WDR48: variants seen among roughly 807,000 people sequenced by gnomAD.
WDR48 encodes WD repeat domain 48.
In WDR48, 22 loss-of-function variants were observed where a neutral mutation model predicts 94.0. The ratio of observed to expected loss-of-function variants is 0.23; its 90% CI spans 0.17 to 0.33. WDR48 has a LOEUF of 0.33. WDR48 is among the 10% of genes least tolerant of loss of function. The pLI is 1.00. For synonymous variants in WDR48, 278 were observed against 280.5 expected (o/e 0.99, Z 0.09); for missense variants, 541 against 813.8 (o/e 0.66, Z 4.08).
At position 39,089,249 on chromosome 3, in the gene WDR48, C is replaced by G. The variant is rs977751105; in HGVS notation, c.1599C>G (p.Ser533=). 1 of 1,613,038 alleles carries G rather than the reference C, an allele frequency of 6.2e-7. No homozygotes were observed. The highest frequency in any genetic ancestry group is 1.3e-5 in the African/African-American group (1 of 74,992). The change falls in exon 16 of 19, where the codon TCC becomes TCG. Residue 533 remains serine, a synonymous_variant. Coordinates refer to ENST00000302313, the MANE Select transcript of WDR48 (RefSeq NM_020839.4). ...TGTTTAGGCTGCTCTGCCGAGATTC[C>G]GGGGGTGAGACTGAGTCTATGCTTC... The part of the protein sequence containing the change: ...RTLFRLLCRD[S]GGETESMLLN...
chr3:39,067,191 C>A (rs1421426890), intron 5 of WDR48, among the ~76,000 whole-genome samples: 1 of 152,222 alleles, frequency 6.6e-6, no homozygotes, highest in Non-Finnish European at 1.5e-5. Context: ...TCTCCCACAG[C>A]ATTCCCTGGT....
At chr3:39,065,697 G>A in intron 2 of WDR48, 114 bp from the exon 3 acceptor site, 2 of 649,892 alleles carry the variant, frequency 3.1e-6, no homozygotes, top group Non-Finnish European at 4.9e-6. Context: ...TCAGGTGTTA[G>A]TTTTAATGCC....
At chr3:39,066,930 G>A in intron 5 of WDR48, 55 bp downstream of exon 5, 1 of 1,579,580 alleles carries the variant, frequency 6.3e-7, no homozygotes, top group South Asian at 1.2e-5. Context: ...CATAAATAAA[G>A]AATGGTTTAT....
intron 5 of WDR48, among the ~76,000 whole-genome samples, chr3:39,068,056 C>G: frequency 6.6e-6 from 1 of 151,468 alleles, no homozygotes; most frequent in East Asian, 1.9e-4. Context: ...TCTGCTACAT[C>G]TTGCTTAGAG....
At chr3:39,055,902 A>G (rs1197653577) in intron 1 of WDR48, among the ~76,000 whole-genome samples, 5 of 152,214 alleles carry the variant, frequency 3.3e-5, no homozygotes, top group African/African-American at 1.2e-4. Context: ...TCCCCAGCTA[A>G]ATGCCAAGAG....
chr3:39,053,911 A>G (rs979265668), intron 1 of WDR48, among the ~76,000 whole-genome samples: 1 of 152,230 alleles, frequency 6.6e-6, no homozygotes, highest in African/African-American at 2.4e-5. Context: ...AAAGTACAAA[A>G]TTAGAGTTTG....
At position 39,065,898 on chromosome 3, in the gene WDR48, T is replaced by G; in HGVS notation, c.268+9T>G. The G allele has an allele frequency of 1.9e-6, 3 of 1,567,414 alleles. No homozygotes were observed. The highest frequency in any genetic ancestry group is 2.6e-6 in the Non-Finnish European group (3 of 1,162,020). The stretch of plus-strand genomic sequence containing the variant: ...TTGTAATGGGAAAACATGTAAGTAT[T>G]TCTTTGGATTATTATTGGGCTTCTG... On this transcript the variant is annotated intron_variant, in intron 3 of 18. Coordinates refer to ENST00000302313, the MANE Select transcript of WDR48 (RefSeq NM_020839.4).
At chr3:39,052,397 CCTGT>C (rs1391572642) in intron 1 of WDR48, 2 of 299,392 alleles carry the variant, frequency 6.7e-6, no homozygotes, top group Admixed American at 5.4e-5. Context: ...TCCCCCTTGC[CCTGT>C]CTTTCTTCGA....
Position 39,077,215 on chromosome 3 carries a change from TAAGTGAGCTATTAACCTGGCA to T in WDR48, c.972+6_972+26del. 1 of 1,614,016 alleles carries T rather than the reference TAAGTGAGCTATTAACCTGGCA, an allele frequency of 6.2e-7. No individual in the cohort carries two copies. Among genetic ancestry groups the T allele is most frequent in the Non-Finnish European group, 8.5e-7 (1 of 1,179,958 alleles). ...ACTAAGTCTACAGTAAATAAATGGG[TAAGTGAGCTATTAACCTGGCA>T]AAGGTTTATAAACATGTATTTTGTT... On this transcript the variant is annotated splice_donor_5th_base_variant and intron_variant, in intron 9 of 18. Coordinates refer to ENST00000302313, the MANE Select transcript of WDR48 (RefSeq NM_020839.4).
intron 11 of WDR48, 112 bp from the exon 12 acceptor site, chr3:39,084,043 A>T: frequency 4.6e-6 from 3 of 655,160 alleles, no homozygotes; most frequent in African/African-American, 1.8e-5. Context: ...AATGTATTTT[A>T]GACTGTTTCA....
intron 7 of WDR48, among the ~76,000 whole-genome samples, chr3:39,072,779 G>C (rs1054546149): frequency 6.6e-6 from 1 of 152,134 alleles, no homozygotes; most frequent in African/African-American, 2.4e-5. Flanking sequence ...AAGATCTCAG[G>C]CACTATAATT....
intron 11 of WDR48, among the ~76,000 whole-genome samples, chr3:39,082,976 T>C (rs143194336): frequency 1.3e-5 from 2 of 152,200 alleles, no homozygotes; most frequent in Non-Finnish European, 2.9e-5. Flanking sequence ...CAATAGTATA[T>C]GATTTTAAAA....
At chr3:39,075,212 T>A (rs1238102128) in intron 8 of WDR48, among the ~76,000 whole-genome samples, 2 of 108,958 alleles carry the variant, frequency 1.8e-5, no homozygotes, top group East Asian at 2.4e-4. Flanking sequence ...TTTTTTTTTT[T>A]AACAGTTTTG....
rs1221156684 is a variant in WDR48, at chr3:39,088,273, A to G, written c.1580+40A>G. 5 of 1,590,936 alleles carry G rather than the reference A, an allele frequency of 3.1e-6. No individual in the cohort carries two copies. The African/African-American group carries it at 4.0e-5, about 13-fold the overall frequency. On this transcript the variant is annotated intron_variant, in intron 15 of 18. Coordinates refer to ENST00000302313, the MANE Select transcript of WDR48 (RefSeq NM_020839.4). ...GACAAGAGGTTCTGCCTGAGAAGGTATCCCATTTGCTAAGAAGTGTCGACT... is the reference window on the plus strand; with the variant it reads ...GACAAGAGGTTCTGCCTGAGAAGGTGTCCCATTTGCTAAGAAGTGTCGACT...
At position 39,079,609 on chromosome 3, in the gene WDR48, A is replaced by G. The variant is rs370989616; in HGVS notation, c.1076-102A>G. On this transcript the variant is annotated intron_variant, in intron 10 of 18. Transcript: ENST00000302313. ...TGCCTTTTCCTTTCTAGTAGCTAGT[A>G]CAGTTTATGTTCCTGTTAGATACCA... is the stretch of plus-strand genomic sequence containing the variant. 7 of 765,614 alleles carry G rather than the reference A, an allele frequency of 9.1e-6. No homozygotes were observed. In the African/African-American group the frequency reaches 1.1e-4, roughly 12 times the overall value. The allele number at this position is 765,614 out of a possible 1,614,324, so 47.4% of individuals were successfully genotyped here. A position where few individuals can be genotyped will look rare whatever the true frequency, so the allele number is the denominator to read the frequency against.
rs2033570637 is a variant in WDR48, at chr3:39,065,821, A to G, written c.200A>G (p.Tyr67Cys). The change falls in exon 3 of 19, where the codon TAT (tyrosine) becomes TGT (cysteine). Residue 67 changes from tyrosine to cysteine, a missense_variant. Physicochemically the swap from Tyr to Cys is radical, Grantham distance 194 (BLOSUM62 -2). Coordinates refer to ENST00000302313, the MANE Select transcript of WDR48 (RefSeq NM_020839.4). ...WSVNQHKQDP[Y>C]IASMEHHTDW... ...TTCTTTTAATTTCAGCAAGATCCAT[A>G]TATAGCATCTATGGAACACCATACT... is the stretch of plus-strand genomic sequence containing the variant. 1 of 1,604,788 alleles carries G rather than the reference A, an allele frequency of 6.2e-7. No individual in the cohort carries two copies. Among genetic ancestry groups the G allele is most frequent in the Non-Finnish European group, 8.5e-7 (1 of 1,176,662 alleles).
chr3:39,077,064 T>C (rs375895896), intron 8 of WDR48, 75 bp from the exon 9 acceptor site: 2 of 1,525,618 alleles, frequency 1.3e-6, no homozygotes, highest in Admixed American at 1.7e-5. Flanking sequence ...GAGTTGATAT[T>C]AATAACATAT....
intron 17 of WDR48, 91 bp downstream of exon 17, chr3:39,091,792 C>G (rs914780029): frequency 1.8e-6 from 2 of 1,082,150 alleles, no homozygotes; most frequent in Admixed American, 3.0e-5. Flanking sequence ...AAGCAAATAC[C>G]AGATCTAAGG....
chr3:39,085,648 GAGGTACTTACTTAAAAGGTACTTACTAAA>G, intron 14 of WDR48, 38 bp downstream of exon 14: 1 of 1,546,116 alleles, frequency 6.5e-7, no homozygotes, highest in Middle Eastern at 1.7e-4. Flanking sequence ...TAAAAAGTTA[GAGGTACTTACTTAAAAGGTACTTACTAAA>G]AGGTACTTAC....
Sources: allele counts gnomAD v4.1 joint callset (sites outside exome capture counted in the v4.1 genomes callset), GRCh38; gene constraint gnomAD v4.1.1; transcripts MANE v1.5; gene names NCBI Gene and HGNC (gene_info 2026-07-23, HGNC 2026-07-21).